Variants in MRPL3 observed in about 807,000 individuals in gnomAD.
MRPL3 encodes mitochondrial ribosomal protein L3, also known as large ribosomal subunit protein uL3m.
A neutral mutation model predicts 44.3 loss-of-function variants in MRPL3; 43 were observed. The observed-to-expected ratio is 0.97, with a 90% CI of 0.76 to 1.25. The LOEUF is 1.25. MRPL3 is among the 50% of genes most tolerant of loss of function. The pLI is 0.00. For missense variants in MRPL3, 406 were observed against 427.6 expected, an observed-to-expected ratio of 0.95 and a Z score of 0.45; for synonymous variants, 171 against 152.3, an observed-to-expected ratio of 1.12 and a Z score of -0.91.
chr3:131,479,188 C>G (rs774522148), intron 6 of MRPL3: 10 of 518,952 alleles, frequency 1.9e-5, no homozygotes, highest in Admixed American at 5.8e-5. Flanking sequence ...CACTGTCCCC[C>G]CTGCCTGGAC....
intron 8 of MRPL3, among the ~76,000 whole-genome samples, 163 bp downstream of exon 8, chr3:131,469,533 T>TACACAC (rs3830301): frequency 6.8e-6 from 1 of 146,888 alleles, no homozygotes; most frequent in Non-Finnish European, 1.5e-5. Context: ...AACTAGAGTG[T>TACACAC]ACACACACAC....
chr3:131,482,900 C>A (rs1280225146), intron 6 of MRPL3, among the ~76,000 whole-genome samples: 1 of 152,198 alleles, frequency 6.6e-6, no homozygotes, highest in Non-Finnish European at 1.5e-5. Flanking sequence ...CCTTCAAGTC[C>A]TTTCAGGCAG....
chr3:131,471,219 C>A lies in MRPL3; in HGVS notation c.690G>T (p.Thr230=), dbSNP rs201688022. Residue 230 remains threonine, a synonymous_variant, in exon 7 of 10, where the codon ACG becomes ACT. Coordinates refer to ENST00000264995, the MANE Select transcript of MRPL3 (RefSeq NM_007208.4). ...TCCTGTGGGTTTTCGTTTGACCATG[C>A]GTAGCAGGCTGGCCTTTAAATCCCC... The part of the protein sequence containing the change: ...KRWGFKGQPA[T]HGQTKTHRRP... 2 of 1,613,400 alleles carry A rather than the reference C, an allele frequency of 1.2e-6. No individual in the cohort carries two copies. The highest frequency in any genetic ancestry group is 1.7e-6 in the Non-Finnish European group (2 of 1,179,528).
Position 131,498,229 on chromosome 3 carries a change from C to A in MRPL3, c.418G>T (p.Gly140Ter), listed in dbSNP as rs1934410766. 1.2e-6 allele frequency: 2 copies of A among 1,612,556 alleles called. No individual in the cohort carries two copies. The highest frequency in any genetic ancestry group is 1.7e-5 in the Admixed American group (1 of 59,978). Reference protein sequence around the residue: ...LKYTSKENCNGKMATLSVGGK... With the variant: ...LKYTSKENCN The stretch of plus-strand genomic sequence containing the variant: ...CCTACAGACAGGGTTGCCATTTTTC[C>A]ATTACAGTTTTCCTTTGACGTATAT... Residue 140 changes from glycine to a stop codon, truncating the protein, a stop_gained, in exon 4 of 10, where the codon GGA becomes TGA. Coordinates refer to ENST00000264995, the MANE Select transcript of MRPL3 (RefSeq NM_007208.4). LOFTEE classifies it high-confidence loss of function.
chr3:131,502,110 A>G (rs550091163), intron 1 of MRPL3, among the ~76,000 whole-genome samples: 5 of 152,326 alleles, frequency 3.3e-5, no homozygotes, highest in Admixed American at 3.3e-4. Flanking sequence ...CTGCAATGAC[A>G]TGGCCTAGGT....
At chr3:131,470,465 G>A (rs1312921997) in intron 7 of MRPL3, among the ~76,000 whole-genome samples, 1 of 152,062 alleles carries the variant, frequency 6.6e-6, no homozygotes, top group Non-Finnish European at 1.5e-5. Flanking sequence ...AACTCTCAGT[G>A]GAAGTACCTC....
At chr3:131,471,658 A>C in intron 6 of MRPL3, among the ~76,000 whole-genome samples, 1 of 152,302 alleles carries the variant, frequency 6.6e-6, no homozygotes, top group Admixed American at 6.5e-5. Context: ...AGCCATTAAG[A>C]TGGAACCCAA....
At chr3:131,498,342 C>T in intron 3 of MRPL3, 65 bp from the exon 4 acceptor site, 3 of 989,598 alleles carry the variant, frequency 3.0e-6, no homozygotes, top group South Asian at 2.8e-5. Flanking sequence ...ACAAACCAGC[C>T]CCATTGAGAC....
intron 6 of MRPL3, among the ~76,000 whole-genome samples, chr3:131,474,715 G>A (rs1026708575): frequency 6.7e-6 from 1 of 150,104 alleles, no homozygotes; most frequent in Non-Finnish European, 1.5e-5. Flanking sequence ...CAGTATAAAT[G>A]ACACAATAAA....
chr3:131,475,350 C>A (rs6792459), intron 6 of MRPL3, among the ~76,000 whole-genome samples: 15,050 of 152,118 alleles, frequency 0.099, 1,509 homozygotes, highest in African/African-American at 0.26. Context: ...TTCAATACAT[C>A]AAAAATCCAC....
At position 131,500,431 on chromosome 3, in the gene MRPL3, TGAA is replaced by T. The variant is rs1249471459; in HGVS notation, c.365_367del (p.Leu122del). Reference sequence around the variant, plus strand: ...TTACGTCTTCTGTTTCTCTCTTACCTGAAGTAATGTGACCACATGCTTTTGACC... The same window carrying T: ...TTACGTCTTCTGTTTCTCTCTTACCTGTAATGTGACCACATGCTTTTGACC... On this transcript the variant is annotated inframe_deletion and splice_region_variant, in exon 3 of 10. Transcript: ENST00000264995. 6.2e-7 allele frequency: 1 copy of T among 1,611,916 alleles called. No individual in the cohort carries two copies.
chr3:131,471,083 T>C, intron 7 of MRPL3, 88 bp downstream of exon 7: 1 of 899,514 alleles, frequency 1.1e-6, no homozygotes, highest in Non-Finnish European at 1.8e-6. Context: ...ACTAAAATTA[T>C]GTGACTTCAT....
chr3:131,493,935 G>A (rs751718894), intron 4 of MRPL3, among the ~76,000 whole-genome samples: 3 of 152,200 alleles, frequency 2.0e-5, no homozygotes, highest in Non-Finnish European at 4.4e-5. Flanking sequence ...AGACTTGTTT[G>A]TAGAATATAA....
intron 4 of MRPL3, among the ~76,000 whole-genome samples, chr3:131,490,910 G>A (rs916905230): frequency 6.6e-6 from 1 of 152,172 alleles, no homozygotes; most frequent in Non-Finnish European, 1.5e-5. Flanking sequence ...CATGCTGACA[G>A]ATGAGCTCTC....
At chr3:131,478,421 TAAAAA>T (rs950533797) in intron 6 of MRPL3, among the ~76,000 whole-genome samples, 1 of 151,390 alleles carries the variant, frequency 6.6e-6, no homozygotes, top group African/African-American at 2.4e-5. Context: ...TACTCTGCTT[TAAAAA>T]AAAACAAGCA....
At chr3:131,499,998 T>C (rs1169027736) in intron 3 of MRPL3, among the ~76,000 whole-genome samples, 1 of 152,178 alleles carries the variant, frequency 6.6e-6, no homozygotes, top group Non-Finnish European at 1.5e-5. Flanking sequence ...CACACATTCT[T>C]ACCCACTAGA....
chr3:131,475,850 A>C (rs1340691419), intron 6 of MRPL3, among the ~76,000 whole-genome samples: 1 of 152,258 alleles, frequency 6.6e-6, no homozygotes, highest in Non-Finnish European at 1.5e-5. Context: ...TTTAAAAATG[A>C]AAAGGAAATA....
At chr3:131,497,242 G>A (rs957927764) in intron 4 of MRPL3, among the ~76,000 whole-genome samples, 6 of 152,156 alleles carry the variant, frequency 3.9e-5, no homozygotes, top group Admixed American at 2.6e-4. Context: ...TTTACCAGTG[G>A]GTGACTTTGA....
chr3:131,488,909 A>T (rs924624732), intron 5 of MRPL3: 2 of 152,096 alleles, frequency 1.3e-5, no homozygotes, highest in African/African-American at 4.8e-5. Flanking sequence ...TCAATCAAAA[A>T]ATAGTATTAA....
Sources: allele counts gnomAD v4.1 joint callset (sites outside exome capture counted in the v4.1 genomes callset), GRCh38; gene constraint gnomAD v4.1.1; transcripts MANE v1.5; gene names NCBI Gene and HGNC (gene_info 2026-07-23, HGNC 2026-07-21).